HAUS4: variants seen among roughly 807,000 people sequenced by gnomAD.
HAUS4 encodes HAUS augmin like complex subunit 4.
In HAUS4, 34 loss-of-function variants were observed where a neutral mutation model predicts 50.6. The observed-to-expected ratio is 0.67, with a 90% CI of 0.51 to 0.90. The LOEUF (loss-of-function observed/expected upper bound fraction) is 0.90. Ranked by LOEUF, HAUS4 falls within the 40% of genes least tolerant of loss-of-function variation. HAUS4 has a pLI of 0.00. For missense variants in HAUS4, 370 were observed against 428.7 expected (o/e 0.86, Z 1.21); for synonymous variants, 149 against 161.4 (o/e 0.92, Z 0.58).
intron 6 of HAUS4, 97 bp downstream of exon 6, chr14:22,950,215 CCT>C: frequency 5.1e-6 from 3 of 590,348 alleles, no homozygotes; most frequent in Non-Finnish European, 9.2e-6. Flanking sequence ...TGGTTCTAAA[CCT>C]CTGTCCCAAA....
At position 22,955,120 on chromosome 14, in the gene HAUS4, C is replaced by T; in HGVS notation, c.35G>A (p.Gly12Glu). The part of the protein sequence containing the change: ...ASGDFCSPGE[G>E]MEILQQVCSK... ...CTTACCTTGTTGAAGTATTTCCATC[C>T]CTTCTCCAGGTGAGCAGAAATCCCC... is the stretch of plus-strand genomic sequence containing the variant. The change falls in exon 2 of 10, where the codon GGG becomes GAG. Residue 12 changes from glycine to glutamate, a missense_variant. Physicochemically the swap from Gly to Glu is moderately conservative, Grantham distance 98. Transcript: ENST00000541587. 1 of 1,611,864 alleles carries T rather than the reference C, an allele frequency of 6.2e-7. No homozygotes were observed. Among genetic ancestry groups the T allele is most frequent in the Non-Finnish European group, 8.5e-7 (1 of 1,177,944 alleles).
chr14:22,948,599 G>A (rs1037826915), intron 6 of HAUS4, among the ~76,000 whole-genome samples: 10 of 151,618 alleles, frequency 6.6e-5, no homozygotes, highest in East Asian at 2.0e-4. Context: ...GCAGTGGCGC[G>A]ATCTCAGCTC....
chr14:22,946,783 T>G (rs1245118076), intron 9 of HAUS4, 75 bp from the exon 10 acceptor site: 1 of 560,222 alleles, frequency 1.8e-6, no homozygotes, highest in African/African-American at 2.2e-5. Flanking sequence ...ATGAAAAACT[T>G]TTTTTTTTTT....
intron 1 of HAUS4, 53 bp from the exon 2 acceptor site, chr14:22,955,229 C>T (rs897693883): frequency 3.8e-6 from 4 of 1,058,226 alleles, no homozygotes; most frequent in African/African-American, 3.1e-5. Context: ...CAGCTGGCTG[C>T]TCCAAGGACA....
chr14:22,948,091 T>C (rs1276416210), intron 6 of HAUS4, 78 bp from the exon 7 acceptor site: 2 of 1,353,128 alleles, frequency 1.5e-6, no homozygotes, highest in South Asian at 1.5e-5. Flanking sequence ...AGTGCCCCTA[T>C]CCTGTATCTA....
At chr14:22,947,568 A>T (rs1293405733) in intron 8 of HAUS4, 33 bp downstream of exon 8, 5 of 1,611,206 alleles carry the variant, frequency 3.1e-6, no homozygotes, top group Non-Finnish European at 4.2e-6. Context: ...CGTGAGACAG[A>T]ATCCCTTAAG....
chr14:22,951,426 T>C, intron 5 of HAUS4, 129 bp downstream of exon 5: 1 of 1,024,472 alleles, frequency 9.8e-7, no homozygotes, highest in Non-Finnish European at 1.4e-6. Context: ...GTTTTTCTTA[T>C]TTGAGTCTGA....
At chr14:22,950,464 G>T in intron 5 of HAUS4, 54 bp from the exon 6 acceptor site, 3 of 1,088,290 alleles carry the variant, frequency 2.8e-6, no homozygotes, top group Non-Finnish European at 4.3e-6. Flanking sequence ...AAACTAGGAC[G>T]TCTCAGCCAA....
intron 6 of HAUS4, chr14:22,948,268 G>T: frequency 2.2e-6 from 1 of 450,688 alleles, no homozygotes; most frequent in Non-Finnish European, 3.9e-6. Context: ...GGGCAACATA[G>T]TGAGACTCTG....
intron 8 of HAUS4, 82 bp from the exon 9 acceptor site, chr14:22,947,321 C>A: frequency 1.0e-6 from 1 of 954,464 alleles, no homozygotes; most frequent in South Asian, 1.3e-5. Context: ...TACCTGCCGA[C>A]GGTCAAGGTG....
chr14:22,950,299 A>T lies in HAUS4; in HGVS notation c.562+15T>A, dbSNP rs1187999447. On this transcript the variant is annotated intron_variant, in intron 6 of 9. Transcript: ENST00000541587. The stretch of plus-strand genomic sequence containing the variant: ...TGAAGTCCAGCTGTGAGCAGAACAG[A>T]CAGCTAGCACTCACCTGAATTGGGA... 1 of 1,443,738 alleles carries T rather than the reference A, an allele frequency of 6.9e-7. No homozygotes were observed. Among genetic ancestry groups the T allele is most frequent in the Non-Finnish European group, 9.8e-7 (1 of 1,024,866 alleles). The allele number at this position is 1,443,738 out of a possible 1,614,324, so 89.4% of individuals were successfully genotyped here.
chr14:22,947,257 G>C lies in HAUS4; in HGVS notation c.840-18C>G. On this transcript the variant is annotated intron_variant, in intron 8 of 9. Transcript: ENST00000541587. ...CCTCCATCCTGACAGAGGGAAGAAA[G>C]AAATGTCAAGGCAGGAAGGTCCCTG... 1 of 1,557,320 alleles carries C rather than the reference G, an allele frequency of 6.4e-7. No individual in the cohort carries two copies. Among genetic ancestry groups the C allele is most frequent in the Non-Finnish European group, 8.9e-7 (1 of 1,128,268 alleles).
intron 1 of HAUS4, 131 bp from the exon 2 acceptor site, chr14:22,955,307 G>T: frequency 1.5e-6 from 1 of 683,980 alleles, no homozygotes. Context: ...TTTTACAGAG[G>T]GCCTATACCA....
intron 5 of HAUS4, among the ~76,000 whole-genome samples, chr14:22,950,642 G>A (rs2044736398): frequency 2.0e-5 from 3 of 152,210 alleles, no homozygotes; most frequent in African/African-American, 7.2e-5. Context: ...TTTCTGGATA[G>A]CAGTTTGGCA....
At chr14:22,948,148 T>A in intron 6 of HAUS4, 135 bp from the exon 7 acceptor site, 2 of 932,938 alleles carry the variant, frequency 2.1e-6, no homozygotes, top group Non-Finnish European at 1.6e-6. Context: ...AATAATCTAT[T>A]AAAAATGGCC....
chr14:22,948,032 G>C lies in HAUS4; in HGVS notation c.563-19C>G, dbSNP rs1042332922. On this transcript the variant is annotated intron_variant, in intron 6 of 9. Coordinates refer to ENST00000541587, the MANE Select transcript of HAUS4 (RefSeq NM_001166269.2). ...TCAGCATCTGAGCAAAGGGGCAGAG[G>C]ACTGACAGGAAAACCCTAATCGCTA... 1.3e-6 allele frequency: 2 copies of C among 1,589,250 alleles called. No individual in the cohort carries two copies.
chr14:22,952,265 G>T (rs2044767943), intron 4 of HAUS4, 63 bp downstream of exon 4: 1 of 1,376,226 alleles, frequency 7.3e-7, no homozygotes. Context: ...TGATCAGCCT[G>T]CCTGGGGCTC....
rs576007078 is a variant in HAUS4, at chr14:22,948,971, A to G, written c.563-958T>C. On this transcript the variant is annotated intron_variant, in intron 6 of 9. Coordinates refer to ENST00000541587, the MANE Select transcript of HAUS4 (RefSeq NM_001166269.2). ...GGAGTTTGAGACCATCCTGGCCAAC[A>G]TGGTGAAAACCTGTCTCTACTAAAA... is the stretch of plus-strand genomic sequence containing the variant. Among the ~76,000 whole-genome samples, 214 of 151,000 alleles carry G rather than the reference A, an allele frequency of 1.4e-3. 2 individuals are homozygous for G. The highest frequency in any genetic ancestry group is 2.7e-3 in the Non-Finnish European group (181 of 67,782).
In HAUS4 at chr14:22,947,109, C is replaced by T. The variant is rs149406274; in HGVS notation, c.908+62G>A. 2,379 of 1,089,402 alleles carry T rather than the reference C, an allele frequency of 2.2e-3. 8 individuals carry two copies. Among genetic ancestry groups the T allele is most frequent in the Admixed American group, 3.6e-3 (214 of 58,962 alleles). The allele number at this position is 1,089,402 out of a possible 1,614,324, so 67.5% of individuals were successfully genotyped here. A position where few individuals can be genotyped will look rare whatever the true frequency, so the allele number is the denominator to read the frequency against. On this transcript the variant is annotated intron_variant, in intron 9 of 9. Coordinates refer to ENST00000541587, the MANE Select transcript of HAUS4 (RefSeq NM_001166269.2). Reference sequence around the variant, plus strand: ...AAAAATGGCAACATCTTTAAATAAACGAGTTTAGGGAATGTGAGAACCACC... The same window carrying T: ...AAAAATGGCAACATCTTTAAATAAATGAGTTTAGGGAATGTGAGAACCACC...
Sources: allele counts gnomAD v4.1 joint callset (sites outside exome capture counted in the v4.1 genomes callset), GRCh38; gene constraint gnomAD v4.1.1; transcripts MANE v1.5; gene names NCBI Gene and HGNC (gene_info 2026-07-23, HGNC 2026-07-21).